Variants in ANKRD36C observed in about 807,000 individuals in gnomAD.
ANKRD36C encodes ankyrin repeat domain-containing protein 36C.
A neutral mutation model predicts 276.4 loss-of-function variants in ANKRD36C; 61 were observed. The observed-to-expected ratio is 0.22, with a 90% CI of 0.18 to 0.27. The LOEUF is 0.27. ANKRD36C is among the 10% of genes least tolerant of loss of function. The pLI is 1.00. For missense variants in ANKRD36C, 1,447 were observed against 2,032.3 expected, an observed-to-expected ratio of 0.71 and a Z score of 5.54; for synonymous variants, 483 against 680.1, an observed-to-expected ratio of 0.71 and a Z score of 4.51.
At chr2:95,937,314 A>C (rs1231126339) in intron 22 of ANKRD36C, among the ~76,000 whole-genome samples, 4 of 146,598 alleles carry the variant, frequency 2.7e-5, no homozygotes, top group East Asian at 2.0e-4. Flanking sequence ...AATGTCAGTC[A>C]TTTACGTGAA....
At chr2:95,934,872 A>G (rs1342343537) in intron 24 of ANKRD36C, among the ~76,000 whole-genome samples, 13 of 151,034 alleles carry the variant, frequency 8.6e-5, no homozygotes, top group African/African-American at 3.2e-4. Context: ...AAAACCCTGT[A>G]TCTACCAAAG....
exon 46 of ANKRD36C, chr2:95,891,682 C>A (rs780925884): frequency 6.4e-7 from 1 of 1,567,412 alleles, no homozygotes; most frequent in South Asian, 1.2e-5. Context: ...AGTTTTTTCT[C>A]CATGCTTTTT....
intron 59 of ANKRD36C, among the ~76,000 whole-genome samples, chr2:95,871,876 G>C (rs1277850028): frequency 6.6e-6 from 1 of 150,834 alleles, no homozygotes; most frequent in Non-Finnish European, 1.5e-5. Flanking sequence ...CCTAGTCTCT[G>C]ATAAAACAGA....
intron 58 of ANKRD36C, among the ~76,000 whole-genome samples, chr2:95,877,240 AC>A (rs1217058288): frequency 6.6e-6 from 1 of 152,188 alleles, no homozygotes; most frequent in African/African-American, 2.4e-5. Flanking sequence ...TCATCAGTGT[AC>A]AGTCTCTTCT....
chr2:95,956,704 G>C, intron 13 of ANKRD36C, 82 bp downstream of exon 13: 1 of 1,264,712 alleles, frequency 7.9e-7, no homozygotes, highest in Non-Finnish European at 1.1e-6. Context: ...TAGCACAGAG[G>C]AGAACACTAA....
At chr2:95,914,887 C>T (rs1677046533) in intron 38 of ANKRD36C, among the ~76,000 whole-genome samples, 2 of 151,518 alleles carry the variant, frequency 1.3e-5, no homozygotes, top group African/African-American at 4.8e-5. Flanking sequence ...CTCTCACACC[C>T]ATGTGGTGTA....
In ANKRD36C at chr2:95,911,398, A is replaced by G. The variant is rs1318397621; in HGVS notation, c.2653+846T>C. Among the ~76,000 whole-genome samples, 10 of 151,492 alleles carry G rather than the reference A, an allele frequency of 6.6e-5. 1 individual carries two copies. Among genetic ancestry groups the G allele is most frequent in the Admixed American group, 1.3e-4 (2 of 15,212 alleles). ...CTCTAGGACTTAATTAGAATGCAAC[A>G]TAATTTTTGTTTCTAAAATAGCCTT... On this transcript the variant is annotated intron_variant, in intron 42 of 66. Transcript: ENST00000456556.
chr2:95,864,343 A>G (rs1675642927), intron 60 of ANKRD36C, among the ~76,000 whole-genome samples: 1 of 151,924 alleles, frequency 6.6e-6, no homozygotes, highest in African/African-American at 2.4e-5. Flanking sequence ...GGCATCTGAT[A>G]AAATTTACTC....
chr2:95,946,321 T>C (rs1678049097), intron 17 of ANKRD36C, among the ~76,000 whole-genome samples: 1 of 151,050 alleles, frequency 6.6e-6, no homozygotes, highest in South Asian at 2.1e-4. Context: ...TCACCATCAC[T>C]GGCCATCAGA....
chr2:95,919,320 T>A (rs935408417), intron 34 of ANKRD36C, among the ~76,000 whole-genome samples: 2 of 133,206 alleles, frequency 1.5e-5, no homozygotes, highest in African/African-American at 5.1e-5. Flanking sequence ...CCTTCTACAG[T>A]GTCTATAGGT....
chr2:95,958,600 A>T, exon 12 of ANKRD36C: 1 of 1,545,508 alleles, frequency 6.5e-7, no homozygotes, highest in South Asian at 1.2e-5. Flanking sequence ...CCTGTCCCAG[A>T]TTTTTGTTCA....
chr2:95,970,186 C>G (rs1485912949), intron 6 of ANKRD36C, among the ~76,000 whole-genome samples: 2 of 152,184 alleles, frequency 1.3e-5, no homozygotes, highest in Non-Finnish European at 2.9e-5. Flanking sequence ...CCTGCAAAGA[C>G]TTTTCAGCTG....
At chr2:95,858,035 C>T (rs4614973) in intron 61 of ANKRD36C, among the ~76,000 whole-genome samples, 92,898 of 150,334 alleles carry the variant, frequency 0.62, 28,415 homozygotes, top group African/African-American at 0.77. Flanking sequence ...TTTAAATTTA[C>T]CTACAGCCTG....
chr2:95,908,572 A>G, intron 42 of ANKRD36C: 1 of 1,558,556 alleles, frequency 6.4e-7, no homozygotes, highest in South Asian at 1.2e-5. Context: ...CATCTCTTGT[A>G]GCCTGAATGG....
chr2:95,975,773 A>T (rs1220223826), intron 6 of ANKRD36C, among the ~76,000 whole-genome samples: 1 of 152,242 alleles, frequency 6.6e-6, no homozygotes, highest in African/African-American at 2.4e-5. Flanking sequence ...CAAATATGAC[A>T]CATGGGATCT....
intron 61 of ANKRD36C, among the ~76,000 whole-genome samples, chr2:95,859,137 G>A (rs530435304): frequency 4.6e-5 from 7 of 151,800 alleles, no homozygotes; most frequent in East Asian, 1.9e-4. Context: ...AGGTTCATGC[G>A]ATTCTCCTGC....
rs1423515111 is a variant in ANKRD36C at position 95,906,201 on chromosome 2, A to G, written c.2653+6043T>C. Among the ~76,000 whole-genome samples, 53 of 19,084 alleles carry G rather than the reference A, an allele frequency of 2.8e-3. 1 individual carries two copies. Among genetic ancestry groups the G allele is most frequent in the African/African-American group, 9.5e-3 (53 of 5,600 alleles). 12.5% of individuals were successfully genotyped at this position (19,084 alleles called of 152,430 possible). On this transcript the variant is annotated intron_variant, in intron 42 of 66. Coordinates refer to ENST00000456556, the Ensembl canonical transcript of ANKRD36C. ...CGTCTTCATTCGGAAAATAATTGCTACATCAGGGGTCTCCTCAGTTCTCCT... is the reference window on the plus strand; with the variant it reads ...CGTCTTCATTCGGAAAATAATTGCTGCATCAGGGGTCTCCTCAGTTCTCCT...
In ANKRD36C at chr2:95,922,439, G is replaced by C. The variant is rs985349697; in HGVS notation, c.2144-629C>G. On this transcript the variant is annotated intron_variant, in intron 32 of 66. Coordinates refer to ENST00000456556, the Ensembl canonical transcript of ANKRD36C. Reference sequence around the variant, plus strand: ...TAAGTTTCCTGTATTCTCTAGTTTAGCCTTCCCAGACATTTCTTCATCCAC... The same window carrying C: ...TAAGTTTCCTGTATTCTCTAGTTTACCCTTCCCAGACATTTCTTCATCCAC... Among the ~76,000 whole-genome samples the C allele has an allele frequency of 6.7e-4, 101 of 151,612 alleles. 2 individuals are homozygous for C. The highest frequency in any genetic ancestry group is 6.4e-4 in the Non-Finnish European group (43 of 67,710).
intron 6 of ANKRD36C, among the ~76,000 whole-genome samples, chr2:95,965,427 T>C (rs2918863): frequency 1.3e-5 from 2 of 152,130 alleles, no homozygotes; most frequent in African/African-American, 4.8e-5. Flanking sequence ...CTTTGACCAT[T>C]GGCCATTTCC....
Sources: allele counts gnomAD v4.1 joint callset (sites outside exome capture counted in the v4.1 genomes callset), GRCh38; gene constraint gnomAD v4.1.1; transcripts MANE v1.5; gene names NCBI Gene and HGNC (gene_info 2026-07-23, HGNC 2026-07-21).